Variants in XRCC2 observed in about 807,000 individuals in gnomAD.
XRCC2 encodes DNA repair protein XRCC2.
In XRCC2, 24 loss-of-function variants were observed where a neutral mutation model predicts 27.3. The observed-to-expected ratio is 0.88, with a 90% CI of 0.64 to 1.24. XRCC2 has a LOEUF of 1.24. Ranked by LOEUF, XRCC2 falls within the 50% of genes most tolerant of loss-of-function variation. XRCC2 has a pLI of 0.00. For missense variants in XRCC2, 321 were observed against 325.8 expected (o/e 0.99, Z 0.11); for synonymous variants, 106 against 115.4 (o/e 0.92, Z 0.52).
At chr7:152,657,113 G>A (rs911760779) in intron 2 of XRCC2, among the ~76,000 whole-genome samples, 4 of 151,436 alleles carry the variant, frequency 2.6e-5, no homozygotes, top group African/African-American at 9.7e-5. Context: ...GCACACACCT[G>A]TAGTCCCAGG....
At chr7:152,667,060 C>T (rs2098036067) in intron 1 of XRCC2, among the ~76,000 whole-genome samples, 1 of 152,112 alleles carries the variant, frequency 6.6e-6, no homozygotes, top group South Asian at 2.1e-4. Context: ...TGTCATTTCT[C>T]AAAACACTGT....
chr7:152,651,682 T>G (rs1229490860), intron 2 of XRCC2, among the ~76,000 whole-genome samples: 1 of 151,770 alleles, frequency 6.6e-6, no homozygotes, highest in Non-Finnish European at 1.5e-5. Context: ...CCTGGCTAAT[T>G]TTTGTATTTC....
chr7:152,662,839 C>T lies in XRCC2; in HGVS notation c.40-2057G>A, dbSNP rs544394393. 9.8e-4 allele frequency among the ~76,000 whole-genome samples: 149 copies of T among 152,120 alleles called. 1 individual carries two copies. Among genetic ancestry groups the T allele is most frequent in the Non-Finnish European group, 1.8e-3 (123 of 67,988 alleles). On this transcript the variant is annotated intron_variant, in intron 1 of 2. Coordinates refer to ENST00000359321, the MANE Select transcript of XRCC2 (RefSeq NM_005431.2). Reference sequence around the variant, plus strand: ...CCGCCCGCCTCGGCCTCCCAAAGTGCTGGGATTACAGGCGTGAGCCACCGC... The same window carrying T: ...CCGCCCGCCTCGGCCTCCCAAAGTGTTGGGATTACAGGCGTGAGCCACCGC...
intron 1 of XRCC2, among the ~76,000 whole-genome samples, chr7:152,669,137 G>C (rs2098037171): frequency 6.6e-6 from 1 of 152,170 alleles, no homozygotes; most frequent in South Asian, 2.1e-4. Context: ...CAAGCACTTT[G>C]AGAGGCTGAG....
chr7:152,650,682 G>A (rs904636277), intron 2 of XRCC2, among the ~76,000 whole-genome samples: 1 of 152,076 alleles, frequency 6.6e-6, no homozygotes, highest in Non-Finnish European at 1.5e-5. Flanking sequence ...CCTGAGGTCA[G>A]GAATTCAAGA....
At chr7:152,675,997 G>C in intron 1 of XRCC2, 44 bp downstream of exon 1, 1 of 1,612,384 alleles carries the variant, frequency 6.2e-7, no homozygotes, top group Non-Finnish European at 8.5e-7. Flanking sequence ...GCCCACCGGC[G>C]GCCTTGTTCC....
intron 2 of XRCC2, among the ~76,000 whole-genome samples, chr7:152,657,321 C>A (rs774367268): frequency 9.2e-5 from 14 of 151,586 alleles, no homozygotes; most frequent in Non-Finnish European, 1.9e-4. Flanking sequence ...GTTGTTTTTG[C>A]GACAGTCTTG....
chr7:152,656,230 T>A (rs1554411242), intron 2 of XRCC2, among the ~76,000 whole-genome samples: 4 of 152,044 alleles, frequency 2.6e-5, no homozygotes, highest in Admixed American at 2.0e-4. Context: ...AAATAAATTT[T>A]AAAAAATGTT....
chr7:152,660,808 C>T, intron 1 of XRCC2, 26 bp from the exon 2 acceptor site: 1 of 1,549,932 alleles, frequency 6.5e-7, no homozygotes, highest in Non-Finnish European at 8.8e-7. Flanking sequence ...AGAAGGAAAA[C>T]TCATTATTTA....
At chr7:152,655,573 G>C (rs1397101683) in intron 2 of XRCC2, among the ~76,000 whole-genome samples, 2 of 152,162 alleles carry the variant, frequency 1.3e-5, no homozygotes, top group Non-Finnish European at 2.9e-5. Flanking sequence ...GTCTGGTGTG[G>C]TGGCACACAT....
rs1330829558 is a variant in XRCC2 at position 152,645,056 on chromosome 7, C to T, written c.*3586G>A. 6.6e-6 allele frequency: 1 copy of T among 151,990 alleles called. No homozygotes were observed. The highest frequency in any genetic ancestry group is 2.4e-5 in the African/African-American group (1 of 41,398). 9.4% of individuals were successfully genotyped at this position (151,990 alleles called of 1,614,324 possible). On this transcript the variant is annotated 3_prime_UTR_variant, in exon 3 of 3. Transcript: ENST00000359321. ...GAAAATCAGTAAGATTTGCTTCAGC[C>T]TCCAAGAGTGTGTTTACGTAAAATT...
At chr7:152,650,059 C>A (rs529667444) in intron 2 of XRCC2, among the ~76,000 whole-genome samples, 1 of 152,338 alleles carries the variant, frequency 6.6e-6, no homozygotes, top group East Asian at 1.9e-4. Flanking sequence ...GGAAAACAAG[C>A]CTCCACCTGG....
At chr7:152,665,743 A>G (rs539606384) in intron 1 of XRCC2, among the ~76,000 whole-genome samples, 50 of 152,102 alleles carry the variant, frequency 3.3e-4, no homozygotes, top group Middle Eastern at 3.4e-3. Context: ...TGGCCTCCCA[A>G]AGTGCTGGAA....
intron 2 of XRCC2, among the ~76,000 whole-genome samples, chr7:152,652,269 C>T (rs1190776253): frequency 6.6e-6 from 1 of 151,924 alleles, no homozygotes; most frequent in African/African-American, 2.4e-5. Context: ...GCAACTAAAC[C>T]TGTATTCCAC....
chr7:152,666,496 G>A (rs1404354776), intron 1 of XRCC2, among the ~76,000 whole-genome samples: 6 of 152,062 alleles, frequency 3.9e-5, no homozygotes. Flanking sequence ...ACAAGCATGA[G>A]CCACCATGCC....
At position 152,647,122 on chromosome 7, in the gene XRCC2, CGTT is replaced by C. The variant is rs754848512; in HGVS notation, c.*1517_*1519del. 4.6e-5 allele frequency: 7 copies of C among 152,142 alleles called. No homozygotes were observed. Among genetic ancestry groups the C allele is most frequent in the Admixed American group, 2.0e-4 (3 of 15,262 alleles). 9.4% of individuals were successfully genotyped at this position (152,142 alleles called of 1,614,324 possible). A position where few individuals can be genotyped will look rare whatever the true frequency, so the allele number is the denominator to read the frequency against. ...TTTGGACTGGTGTGAGATGGTATCTCGTTGTTGTTTCGATTTGCATTTCTCTAA... is the reference window on the plus strand; with the variant it reads ...TTTGGACTGGTGTGAGATGGTATCTCGTTGTTTCGATTTGCATTTCTCTAA... On this transcript the variant is annotated 3_prime_UTR_variant, in exon 3 of 3. Transcript: ENST00000359321.
intron 1 of XRCC2, among the ~76,000 whole-genome samples, chr7:152,667,582 C>T (rs764000291): frequency 2.6e-5 from 4 of 151,388 alleles, no homozygotes; most frequent in Non-Finnish European, 5.9e-5. Context: ...CTGTCCACCA[C>T]TGAGAATATC....
Position 152,676,088 on chromosome 7 carries a change from A to G in XRCC2, c.-9T>C. ...TGGAAGGCACTACACATCGCCCCGA[A>G]GGCTCGGCGCAGGAGAGACTCAACT... On this transcript the variant is annotated 5_prime_UTR_variant, in exon 1 of 3. Coordinates refer to ENST00000359321, the MANE Select transcript of XRCC2 (RefSeq NM_005431.2). 3 of 1,613,786 alleles carry G rather than the reference A, an allele frequency of 1.9e-6. No individual in the cohort carries two copies. Among genetic ancestry groups the G allele is most frequent in the Non-Finnish European group, 2.5e-6 (3 of 1,179,786 alleles).
At chr7:152,657,849 A>T (rs888758275) in intron 2 of XRCC2, among the ~76,000 whole-genome samples, 1 of 152,242 alleles carries the variant, frequency 6.6e-6, no homozygotes, top group South Asian at 2.1e-4. Context: ...AAAATGGTAC[A>T]TTAGAAAATA....
Sources: gnomAD v4.1 joint callset for allele counts (sites outside exome capture counted in the v4.1 genomes callset) on GRCh38, gnomAD v4.1.1 for gene constraint, MANE v1.5 for transcripts, NCBI Gene and HGNC (gene_info 2026-07-23, HGNC 2026-07-21) for gene names.